PTPRQ: variants seen among roughly 807,000 people sequenced by gnomAD.
PTPRQ encodes the protein protein tyrosine phosphatase receptor type Q.
In PTPRQ, 199 loss-of-function variants were observed where a neutral mutation model predicts 246.0. That is an observed-to-expected ratio of 0.81 (90% CI 0.72 to 0.91). The LOEUF (loss-of-function observed/expected upper bound fraction) is 0.91, where lower values mean the gene tolerates loss of function less well. Ranked by LOEUF, PTPRQ falls within the 40% of genes least tolerant of loss-of-function variation. The pLI is 0.00. For synonymous variants in PTPRQ, 869 were observed against 853.2 expected (o/e 1.02, Z -0.32); for missense variants, 2,624 against 2,528.4 (o/e 1.04, Z -0.81).
At chr12:80,640,440 T>C (rs1451051040) in intron 35 of PTPRQ, among the ~76,000 whole-genome samples, 1 of 152,210 alleles carries the variant, frequency 6.6e-6, no homozygotes, top group South Asian at 2.1e-4. Context: ...ATGGCAAAAA[T>C]TTGTGAATTC....
In PTPRQ at chr12:80,546,665, G is replaced by T; in HGVS notation, c.3983G>T (p.Ser1328Ile). ...FTKVGNGNQF[S>I]NVVKFTTQES... ...AAAGTTGGAAATGGCAATCAATTTA[G>T]TAATGTAGTAAAATTCACAACCCAA... is the stretch of plus-strand genomic sequence containing the variant. The change falls in exon 24 of 45, where the codon AGT becomes ATT. Residue 1328 changes from serine to isoleucine, a missense_variant. By Grantham distance (142) the Ser-to-Ile change is moderately radical. Transcript: ENST00000644991. 6.4e-7 allele frequency: 1 copy of T among 1,551,376 alleles called. No homozygotes were observed. The highest frequency in any genetic ancestry group is 8.7e-7 in the Non-Finnish European group (1 of 1,146,826).
intron 43 of PTPRQ, among the ~76,000 whole-genome samples, chr12:80,675,184 A>G (rs537110368): frequency 8.5e-5 from 13 of 152,134 alleles, no homozygotes; most frequent in Non-Finnish European, 1.8e-4. Context: ...GGGTAGTTTC[A>G]CAGGTCCTCA....
intron 18 of PTPRQ, 151 bp from the exon 19 acceptor site, chr12:80,534,741 T>C (rs1565770377): frequency 2.0e-6 from 2 of 997,732 alleles, no homozygotes; most frequent in Admixed American, 3.0e-5. Context: ...CAATGTGTTT[T>C]ATGGATTTCA....
chr12:80,678,457 A>C (rs1035267603), intron 43 of PTPRQ, 145 bp from the exon 44 acceptor site: 5 of 1,069,608 alleles, frequency 4.7e-6, no homozygotes, highest in Non-Finnish European at 6.0e-6. Context: ...GTAGAAAATC[A>C]TATCTATACT....
intron 33 of PTPRQ, among the ~76,000 whole-genome samples, chr12:80,631,358 T>C (rs1403688907): frequency 6.6e-6 from 1 of 152,136 alleles, no homozygotes; most frequent in African/African-American, 2.4e-5. Flanking sequence ...GAATTGAAGA[T>C]AAAAGTTTAA....
Position 80,495,016 on chromosome 12 carries a change from C to T in PTPRQ, c.1624C>T (p.His542Tyr). 6.4e-7 allele frequency: 1 copy of T among 1,550,492 alleles called. No homozygotes were observed. Among genetic ancestry groups the T allele is most frequent in the South Asian group, 1.2e-5 (1 of 84,038 alleles). ...VIRRLVPFTE[H>Y]MISVSAFTIM... Reference sequence around the variant, plus strand: ...CAGGAGACTTGTACCTTTCACTGAGCACATGATTAGTGTATCTGCTTTCAC... The same window carrying T: ...CAGGAGACTTGTACCTTTCACTGAGTACATGATTAGTGTATCTGCTTTCAC... The change falls in exon 11 of 45, where the codon CAC (histidine) becomes TAC (tyrosine). Residue 542 changes from histidine (H) to tyrosine (Y), a missense_variant. Transcript: ENST00000644991.
chr12:80,619,274 T>A, intron 30 of PTPRQ, 110 bp from the exon 31 acceptor site: 7 of 1,242,796 alleles, frequency 5.6e-6, no homozygotes, highest in Non-Finnish European at 6.5e-6. Flanking sequence ...TTGTTATTTA[T>A]GTTTGTCATC....
intron 37 of PTPRQ, among the ~76,000 whole-genome samples, chr12:80,650,288 C>T (rs1900214592): frequency 6.7e-6 from 1 of 150,264 alleles, no homozygotes; most frequent in African/African-American, 2.5e-5. Flanking sequence ...GAATTTGTCA[C>T]TTTAAATCTA....
intron 3 of PTPRQ, among the ~76,000 whole-genome samples, chr12:80,453,454 G>T (rs529242834): frequency 1.0e-3 from 151 of 151,302 alleles, no homozygotes; most frequent in African/African-American, 3.5e-3. Flanking sequence ...GCTTTTTAGA[G>T]TTTCCAGTTT....
At chr12:80,544,250 C>G (rs920750089) in intron 23 of PTPRQ, among the ~76,000 whole-genome samples, 1 of 152,102 alleles carries the variant, frequency 6.6e-6, no homozygotes, top group African/African-American at 2.4e-5. Flanking sequence ...AAAGGAAAGT[C>G]TCCATAGAGC....
chr12:80,537,237 C>A (rs896543778), intron 19 of PTPRQ, among the ~76,000 whole-genome samples: 5 of 152,170 alleles, frequency 3.3e-5, no homozygotes, highest in East Asian at 1.9e-4. Flanking sequence ...AGCATCAATA[C>A]CTTCACTACC....
chr12:80,539,876 C>T lies in PTPRQ; in HGVS notation c.3086C>T (p.Thr1029Ile), dbSNP rs1267929129. The T allele has an allele frequency of 2.6e-6, 4 of 1,549,078 alleles. No individual in the cohort carries two copies. Among genetic ancestry groups the T allele is most frequent in the South Asian group, 2.4e-5 (2 of 83,772 alleles). ...TIFSYYTFWL[T>I]ASTSVGNGNK... ...TTCAGCTACTATACATTTTGGTTAA[C>T]AGCAAGTACTTCAGTTGGAAATGGG... The change falls in exon 20 of 45, where the codon ACA becomes ATA. Residue 1029 changes from threonine to isoleucine, a missense_variant. By Grantham distance (89) the Thr-to-Ile change is moderately conservative. Coordinates refer to ENST00000644991, the MANE Select transcript of PTPRQ (RefSeq NM_001145026.2).
At chr12:80,445,271 G>T (rs1386987292) in intron 2 of PTPRQ, among the ~76,000 whole-genome samples, 1 of 151,894 alleles carries the variant, frequency 6.6e-6, no homozygotes. Context: ...TCGGCATGTA[G>T]TATTTATTTA....
chr12:80,556,780 T>C (rs1464958760), intron 25 of PTPRQ, among the ~76,000 whole-genome samples: 1 of 152,044 alleles, frequency 6.6e-6, no homozygotes, highest in Non-Finnish European at 1.5e-5. Context: ...TAGAGGAGAA[T>C]AAATAGGAAT....
At chr12:80,584,926 T>C (rs1170564946) in intron 25 of PTPRQ, among the ~76,000 whole-genome samples, 2 of 152,026 alleles carry the variant, frequency 1.3e-5, no homozygotes, top group African/African-American at 2.4e-5. Context: ...TTGCTTTTCT[T>C]CATGATAGGT....
chr12:80,670,449 G>A lies in PTPRQ; in HGVS notation c.6559G>A (p.Ala2187Thr), dbSNP rs1447913466. 3.9e-6 allele frequency: 6 copies of A among 1,551,092 alleles called. No individual in the cohort carries two copies. The highest frequency in any genetic ancestry group is 5.2e-6 in the Non-Finnish European group (6 of 1,146,592). Residue 2187 changes from alanine (A) to threonine (T), a missense_variant, in exon 42 of 45, where the codon GCA becomes ACA. By Grantham distance (58) the Ala-to-Thr change is moderately conservative (BLOSUM62 0). Transcript: ENST00000644991. The part of the protein sequence containing the change: ...PLIHFVKLVR[A>T]SRAHDTTPMI... ...AATTCACTTTGTGAAGTTGGTTCGA[G>A]CAAGCAGGGCACATGACACCACACC...
intron 33 of PTPRQ, among the ~76,000 whole-genome samples, chr12:80,629,018 G>GT (rs1311157735): frequency 2.0e-5 from 3 of 152,048 alleles, no homozygotes; most frequent in African/African-American, 7.2e-5. Context: ...TGCCCATTTG[G>GT]TATCAGGTGA....
intron 28 of PTPRQ, among the ~76,000 whole-genome samples, chr12:80,613,377 A>G (rs1351946118): frequency 6.6e-6 from 1 of 150,754 alleles, no homozygotes; most frequent in East Asian, 1.9e-4. Context: ...ATAAGTGCAT[A>G]TAAAACAAAC....
chr12:80,641,884 G>A (rs1298798402), intron 35 of PTPRQ, among the ~76,000 whole-genome samples: 3 of 139,022 alleles, frequency 2.2e-5, no homozygotes, highest in Non-Finnish European at 3.2e-5. Flanking sequence ...TCTCTCTCTT[G>A]CTCTCTCTCT....
Sources: gnomAD v4.1 joint callset for allele counts (sites outside exome capture counted in the v4.1 genomes callset) on GRCh38, gnomAD v4.1.1 for gene constraint, MANE v1.5 for transcripts, NCBI Gene and HGNC (gene_info 2026-07-23, HGNC 2026-07-21) for gene names.